The following CNGA3 variants were observed in gnomAD, a reference collection of about 807,000 sequenced individuals.
CNGA3 encodes cyclic nucleotide-gated channel alpha-3.
A neutral mutation model predicts 46.6 loss-of-function variants in CNGA3; 42 were observed. The observed-to-expected ratio is 0.90, with a 90% CI of 0.70 to 1.17. CNGA3 has a LOEUF of 1.17. Among genes scored for constraint, CNGA3 ranks in the 50% most tolerant of loss-of-function variants. CNGA3 has a pLI of 0.00. For missense variants in CNGA3, 893 were observed against 890.7 expected (o/e 1.00, Z -0.03); for synonymous variants, 394 against 369.4 (o/e 1.07, Z -0.76).
At chr2:98,393,986 A>G (rs1014428272) in intron 7 of CNGA3, among the ~76,000 whole-genome samples, 1 of 150,812 alleles carries the variant, frequency 6.6e-6, no homozygotes, top group Non-Finnish European at 1.5e-5. Flanking sequence ...CAGTTTGAGC[A>G]GAGTGAGACG....
chr2:98,392,678 A>T (rs1692820873), intron 7 of CNGA3, among the ~76,000 whole-genome samples: 1 of 152,158 alleles, frequency 6.6e-6, no homozygotes, highest in African/African-American at 2.4e-5. Context: ...TGGGGTAAGC[A>T]GGAAGGAGAG....
chr2:98,382,974 A>C (rs1020486738), intron 4 of CNGA3, among the ~76,000 whole-genome samples: 3 of 152,218 alleles, frequency 2.0e-5, no homozygotes, highest in African/African-American at 7.2e-5. Context: ...CAGAAGGTGC[A>C]AGACCTCCTC....
chr2:98,387,093 T>C (rs1038467017), intron 5 of CNGA3, among the ~76,000 whole-genome samples: 1 of 152,228 alleles, frequency 6.6e-6, no homozygotes, highest in African/African-American at 2.4e-5. Context: ...AACTCTTTTG[T>C]AGTCTGCTTC....
Position 98,365,029 on chromosome 2 carries a change from T to C in CNGA3, c.-37-4910T>C, listed in dbSNP as rs1476443460. Among the ~76,000 whole-genome samples the C allele has an allele frequency of 2.0e-5, 3 of 148,900 alleles. No individual in the cohort carries two copies. In the South Asian group the frequency reaches 6.3e-4, roughly 31 times the overall value. ...TTGTAGGTGACCTGGCCTTTCTCTCTGGCTGCCCTTAACATTTTTTTTTTT... is the reference window on the plus strand; with the variant it reads ...TTGTAGGTGACCTGGCCTTTCTCTCCGGCTGCCCTTAACATTTTTTTTTTT... On this transcript the variant is annotated intron_variant, in intron 1 of 7. Transcript: ENST00000272602.
In CNGA3 at chr2:98,367,176, C is replaced by CCTTTT. The variant is rs1369254057; in HGVS notation, c.-37-2763_-37-2762insCTTTT. Among the ~76,000 whole-genome samples, 120 of 115,498 alleles carry CCTTTT rather than the reference C, an allele frequency of 1.0e-3. 2 individuals are homozygous for CCTTTT. The highest frequency in any genetic ancestry group is 5.1e-3 in the Middle Eastern group (1 of 198). The allele number at this position is 115,498 out of a possible 152,430, so 75.8% of individuals were successfully genotyped here. On this transcript the variant is annotated intron_variant, in intron 1 of 7. Transcript: ENST00000272602. Reference sequence around the variant, plus strand: ...ACCTCTGACATCAGCTGTTTTTTTTCTTTTTTTTCTTTTTTTTTTTTTTTT... The same window carrying CCTTTT: ...ACCTCTGACATCAGCTGTTTTTTTTCCTTTTTTTTTTTTCTTTTTTTTTTTTTTTT...
At chr2:98,388,700 T>C (rs904535418) in intron 5 of CNGA3, among the ~76,000 whole-genome samples, 21 of 152,320 alleles carry the variant, frequency 1.4e-4, no homozygotes, top group African/African-American at 4.1e-4. Flanking sequence ...CCCTCACAAG[T>C]GGGCCGGCCA....
chr2:98,361,562 G>C (rs571363693), intron 1 of CNGA3, among the ~76,000 whole-genome samples: 2 of 152,030 alleles, frequency 1.3e-5, no homozygotes, highest in African/African-American at 4.8e-5. Context: ...GGGATTACTG[G>C]GTCAAATGGT....
At position 98,395,869 on chromosome 2, in the gene CNGA3, C is replaced by A; in HGVS notation, c.699C>A (p.Val233=). 1 of 1,614,152 alleles carries A rather than the reference C, an allele frequency of 6.2e-7. No individual in the cohort carries two copies. The highest frequency in any genetic ancestry group is 1.1e-5 in the South Asian group (1 of 91,030). ...GTTTTCTCGAGCAAGGCTTAATGGT[C>A]AGTGATACCAACAGGCTGTGGCAGC... The part of the protein sequence containing the change: ...RTGFLEQGLM[V]SDTNRLWQHY... The change falls in exon 8 of 8, where the codon GTC becomes GTA. Residue 233 remains valine, a synonymous_variant. Coordinates refer to ENST00000272602, the MANE Select transcript of CNGA3 (RefSeq NM_001298.3).
chr2:98,393,365 G>T (rs755558735), intron 7 of CNGA3, among the ~76,000 whole-genome samples: 2 of 152,220 alleles, frequency 1.3e-5, no homozygotes, highest in African/African-American at 4.8e-5. Flanking sequence ...TAGAACCACT[G>T]CATGAGACAA....
rs569632250 is a variant in CNGA3, at chr2:98,362,778, G to A, written c.-37-7161G>A. 3.3e-5 allele frequency among the ~76,000 whole-genome samples: 5 copies of A among 152,330 alleles called. No homozygotes were observed. In the East Asian group the frequency reaches 9.6e-4, roughly 29 times the overall value. Reference sequence around the variant, plus strand: ...TATATTTTCTTCTAGGGTTTTTACAGTTTGGGGTTTTACATTTAAGTCTCT... The same window carrying A: ...TATATTTTCTTCTAGGGTTTTTACAATTTGGGGTTTTACATTTAAGTCTCT... On this transcript the variant is annotated intron_variant, in intron 1 of 7. Transcript: ENST00000272602.
chr2:98,378,708 G>T (rs1386939843), intron 3 of CNGA3, among the ~76,000 whole-genome samples: 1 of 152,224 alleles, frequency 6.6e-6, no homozygotes, highest in African/African-American at 2.4e-5. Flanking sequence ...GATAAAGGAA[G>T]AAAGAGAACA....
chr2:98,381,588 A>G (rs1004354631), intron 4 of CNGA3, among the ~76,000 whole-genome samples: 10 of 152,214 alleles, frequency 6.6e-5, no homozygotes, highest in African/African-American at 2.4e-4. Context: ...GGCATTTTTA[A>G]GATGGAATAT....
chr2:98,395,807 C>A, intron 7 of CNGA3, 37 bp from the exon 8 acceptor site: 1 of 1,598,532 alleles, frequency 6.3e-7, no homozygotes, highest in South Asian at 1.1e-5. Context: ...AAAAGTCAGC[C>A]TCTGTGATGC....
At chr2:98,368,797 T>A (rs1333792425) in intron 1 of CNGA3, among the ~76,000 whole-genome samples, 1 of 152,192 alleles carries the variant, frequency 6.6e-6, no homozygotes, top group Non-Finnish European at 1.5e-5. Flanking sequence ...GAAGTGCTGA[T>A]TGGCTGGCTT....
chr2:98,381,685 G>C (rs2104209562), intron 4 of CNGA3, among the ~76,000 whole-genome samples: 1 of 152,322 alleles, frequency 6.6e-6, no homozygotes, highest in Admixed American at 6.5e-5. Flanking sequence ...GGGAAGGCCA[G>C]AGTTTTCACA....
intron 1 of CNGA3, among the ~76,000 whole-genome samples, chr2:98,364,846 A>G (rs1372789659): frequency 6.6e-6 from 1 of 152,056 alleles, no homozygotes; most frequent in Non-Finnish European, 1.5e-5. Context: ...TCTGAAAAGG[A>G]TTTTATTTCT....
At chr2:98,383,246 C>A (rs943639851) in intron 4 of CNGA3, 142 bp from the exon 5 acceptor site, 2 of 798,488 alleles carry the variant, frequency 2.5e-6, no homozygotes, top group Non-Finnish European at 4.3e-6. Flanking sequence ...AATACCACCC[C>A]GTATTCTTCA....
intron 2 of CNGA3, among the ~76,000 whole-genome samples, chr2:98,373,517 G>A (rs573496799): frequency 1.6e-4 from 24 of 152,234 alleles, no homozygotes; most frequent in Admixed American, 3.9e-4. Flanking sequence ...AGACTTCCCT[G>A]CCCCAAGGTC....
rs1255023488 is a variant in CNGA3 at position 98,395,941 on chromosome 2, C to T, written c.771C>T (p.Val257=). The change falls in exon 8 of 8, where the codon GTC becomes GTT. Residue 257 remains valine, a synonymous_variant. Transcript: ENST00000272602. ...TQFKLDVLSL[V]PTDLAYLKVG... is the part of the protein sequence containing the mutation. ...TCAAGCTGGATGTGTTGTCCCTGGTCCCCACCGACCTGGCTTACTTAAAGG... is the reference window on the plus strand; with the variant it reads ...TCAAGCTGGATGTGTTGTCCCTGGTTCCCACCGACCTGGCTTACTTAAAGG... 1.9e-6 allele frequency: 3 copies of T among 1,614,020 alleles called. No homozygotes were observed. Among genetic ancestry groups the T allele is most frequent in the African/African-American group, 2.7e-5 (2 of 74,898 alleles).
Sources: allele counts gnomAD v4.1 joint callset (sites outside exome capture counted in the v4.1 genomes callset), GRCh38; gene constraint gnomAD v4.1.1; transcripts MANE v1.5; gene names NCBI Gene and HGNC (gene_info 2026-07-23, HGNC 2026-07-21).